Variants in CCDC77 observed in about 807,000 individuals in gnomAD.
CCDC77 encodes the protein coiled-coil domain containing 77, also known as coiled-coil domain-containing protein 77.
In CCDC77, 56 loss-of-function variants were observed where a neutral mutation model predicts 66.8. The observed-to-expected ratio is 0.84, with a 90% CI of 0.68 to 1.05. The LOEUF (loss-of-function observed/expected upper bound fraction) is 1.05. Among genes scored for constraint, CCDC77 ranks in the 50% least tolerant of loss-of-function variants. The probability of loss-of-function intolerance (pLI) is 0.00; values close to 1 mark genes in which losing one functional copy is unlikely to be tolerated. For synonymous variants in CCDC77, 196 were observed against 195.2 expected (o/e 1.00, Z -0.03); for missense variants, 570 against 576.8 (o/e 0.99, Z 0.12).
chr12:435,202 C>A (rs906936658), intron 9 of CCDC77, among the ~76,000 whole-genome samples: 1 of 150,258 alleles, frequency 6.7e-6, no homozygotes, highest in African/African-American at 2.5e-5. Flanking sequence ...CTACTTCTTT[C>A]TGTGTTTCAT....
intron 4 of CCDC77, among the ~76,000 whole-genome samples, chr12:412,413 T>C (rs922260602): frequency 3.3e-5 from 5 of 152,242 alleles, no homozygotes; most frequent in African/African-American, 7.2e-5. Context: ...TAGCAAAAAC[T>C]GAGCTGTGGC....
chr12:427,602 G>A (rs1395658585), intron 5 of CCDC77, among the ~76,000 whole-genome samples: 1 of 151,460 alleles, frequency 6.6e-6, no homozygotes, highest in Non-Finnish European at 1.5e-5. Context: ...AGCCTCCTGA[G>A]TAGCTGGGAT....
At chr12:408,346 A>G (rs776391304) in intron 2 of CCDC77, among the ~76,000 whole-genome samples, 2 of 152,200 alleles carry the variant, frequency 1.3e-5, no homozygotes, top group South Asian at 2.1e-4. Flanking sequence ...ACAGGAGCTC[A>G]AGATCTTGGG....
chr12:430,817 G>T, intron 7 of CCDC77, 81 bp downstream of exon 7: 8 of 1,130,196 alleles, frequency 7.1e-6, no homozygotes, highest in Non-Finnish European at 1.1e-5. Flanking sequence ...GGTGGCTCAC[G>T]CCTGTAATCC....
At chr12:411,056 A>G (rs1945098706) in intron 3 of CCDC77, among the ~76,000 whole-genome samples, 1 of 151,658 alleles carries the variant, frequency 6.6e-6, no homozygotes, top group Non-Finnish European at 1.5e-5. Context: ...GGGACTGCTC[A>G]GCTACTCAGC....
intron 6 of CCDC77, 65 bp from the exon 7 acceptor site, chr12:430,599 A>T: frequency 8.4e-7 from 1 of 1,183,826 alleles, no homozygotes; most frequent in Non-Finnish European, 1.3e-6. Context: ...TGCAGAACTA[A>T]GGCTGAAAAG....
chr12:429,308 A>G (rs527902587), intron 6 of CCDC77, among the ~76,000 whole-genome samples: 1 of 152,234 alleles, frequency 6.6e-6, no homozygotes, highest in Admixed American at 6.5e-5. Flanking sequence ...AGTTTGGTGT[A>G]TATACTTCCA....
rs1565569246 is a variant in CCDC77 at position 416,387 on chromosome 12, A to ATG, written c.271-2106_271-2105insGT. Among the ~76,000 whole-genome samples the ATG allele has an allele frequency of 6.4e-4, 27 of 42,450 alleles. 1 individual carries two copies. The highest frequency in any genetic ancestry group is 1.7e-3 in the East Asian group (2 of 1,164). 27.8% of individuals were successfully genotyped at this position (42,450 alleles called of 152,430 possible). Reference sequence around the variant, plus strand: ...TGTGTGTGTGTGTGTGTATATATATATATATATATATATATATATATATAT... The same window carrying ATG: ...TGTGTGTGTGTGTGTGTATATATATATGTATATATATATATATATATATATAT... On this transcript the variant is annotated intron_variant, in intron 4 of 12. Coordinates refer to ENST00000239830, the MANE Select transcript of CCDC77 (RefSeq NM_032358.4).
chr12:442,161 C>G lies in CCDC77; in HGVS notation c.*241C>G. Reference sequence around the variant, plus strand: ...GGAGTAGGGGCCTGGTCCTGAATGACTTGGAGGCTTTCATTATTTATCCTG... The same window carrying G: ...GGAGTAGGGGCCTGGTCCTGAATGAGTTGGAGGCTTTCATTATTTATCCTG... On this transcript the variant is annotated 3_prime_UTR_variant, in exon 13 of 13. Coordinates refer to ENST00000239830, the MANE Select transcript of CCDC77 (RefSeq NM_032358.4). 2.3e-6 allele frequency: 1 copy of G among 444,014 alleles called. No homozygotes were observed. Among genetic ancestry groups the G allele is most frequent in the Non-Finnish European group, 4.0e-6 (1 of 248,116 alleles). 27.5% of individuals were successfully genotyped at this position (444,014 alleles called of 1,614,324 possible).
At chr12:419,262 A>G (rs1361673036) in intron 5 of CCDC77, among the ~76,000 whole-genome samples, 2 of 152,216 alleles carry the variant, frequency 1.3e-5, no homozygotes, top group East Asian at 3.8e-4. Flanking sequence ...GTGTCCCCAC[A>G]TTGACCAGTC....
upstream of CCDC77, among the ~76,000 whole-genome samples, chr12:398,060 T>G (rs1013555918): frequency 1.1e-4 from 16 of 152,224 alleles, no homozygotes; most frequent in African/African-American, 3.9e-4. Context: ...TGGTGCTGAT[T>G]GCTAAAGGCT....
At chr12:438,046 G>A (rs1945788690) in intron 9 of CCDC77, among the ~76,000 whole-genome samples, 1 of 152,066 alleles carries the variant, frequency 6.6e-6, no homozygotes, top group African/African-American at 2.4e-5. Flanking sequence ...CGCAGGCTAT[G>A]TGTAAATATC....
intron 4 of CCDC77, among the ~76,000 whole-genome samples, chr12:415,000 A>G (rs1331302072): frequency 6.6e-6 from 1 of 151,902 alleles, no homozygotes. Flanking sequence ...TTTACTTGTC[A>G]TTTTTATCAC....
At chr12:413,954 C>A (rs1945170620) in intron 4 of CCDC77, among the ~76,000 whole-genome samples, 1 of 151,416 alleles carries the variant, frequency 6.6e-6, no homozygotes, top group African/African-American at 2.4e-5. Context: ...GCAGTTTCAT[C>A]TCGGTCCTTG....
chr12:415,380 A>G (rs1591972029), intron 4 of CCDC77, among the ~76,000 whole-genome samples: 2 of 109,234 alleles, frequency 1.8e-5, no homozygotes, highest in Non-Finnish European at 3.8e-5. Flanking sequence ...TAATCAACAT[A>G]ATATTATGTT....
chr12:397,630 T>A (rs1225215349), upstream of CCDC77, among the ~76,000 whole-genome samples: 1 of 152,142 alleles, frequency 6.6e-6, no homozygotes, highest in Non-Finnish European at 1.5e-5. Context: ...TTTAAAAAAA[T>A]TTACATGCCT....
chr12:436,787 T>G, intron 9 of CCDC77: 1 of 983,548 alleles, frequency 1.0e-6, no homozygotes, highest in Non-Finnish European at 1.2e-6. Flanking sequence ...TGGATCTTCC[T>G]AAGAAGGGCA....
upstream of CCDC77, among the ~76,000 whole-genome samples, chr12:397,653 CT>C (rs879333427): frequency 5.8e-4 from 85 of 146,188 alleles, no homozygotes; most frequent in African/African-American, 9.0e-4. Flanking sequence ...ATTTAAAATG[CT>C]TTTTTTTTTT....
chr12:389,511 G>A (rs1363982996), intron 1 of CCDC77: 5 of 369,190 alleles, frequency 1.4e-5, no homozygotes. Flanking sequence ...AGGGGCACAA[G>A]CTCTTCTTTA....
Sources: gnomAD v4.1 joint callset for allele counts (sites outside exome capture counted in the v4.1 genomes callset) on GRCh38, gnomAD v4.1.1 for gene constraint, MANE v1.5 for transcripts, NCBI Gene and HGNC (gene_info 2026-07-23, HGNC 2026-07-21) for gene names.